SYNPO2: variants seen among roughly 807,000 people sequenced by gnomAD.
SYNPO2 encodes synaptopodin-2.
SYNPO2 carries 56 observed loss-of-function variants against 85.0 expected under a neutral mutation model. That is an observed-to-expected ratio of 0.66 (90% CI 0.53 to 0.82). SYNPO2 has a LOEUF of 0.82. Among genes scored for constraint, SYNPO2 ranks in the 40% least tolerant of loss-of-function variants. SYNPO2 has a pLI of 0.00. For missense variants in SYNPO2, 1,575 were observed against 1,534.2 expected (o/e 1.03, Z -0.44); for synonymous variants, 602 against 591.1 (o/e 1.02, Z -0.27).
chr4:119,005,182 C>G (rs1456646513), intron 1 of SYNPO2, among the ~76,000 whole-genome samples: 4 of 152,094 alleles, frequency 2.6e-5, no homozygotes, highest in African/African-American at 4.8e-5. Flanking sequence ...TAGGTTGCCT[C>G]TTCACTCTGT....
At chr4:119,050,660 T>C (rs1359910107) in intron 4 of SYNPO2, among the ~76,000 whole-genome samples, 2 of 152,216 alleles carry the variant, frequency 1.3e-5, no homozygotes, top group East Asian at 3.8e-4. Context: ...AAATGCCTCC[T>C]TAGTGTTAAG....
intron 1 of SYNPO2, among the ~76,000 whole-genome samples, chr4:118,996,514 C>T (rs959817218): frequency 1.3e-5 from 2 of 152,132 alleles, no homozygotes; most frequent in African/African-American, 4.8e-5. Flanking sequence ...AATACCTTCT[C>T]TCAAGGAGAG....
chr4:118,923,749 A>G (rs1733617451), intron 1 of SYNPO2, among the ~76,000 whole-genome samples: 1 of 152,092 alleles, frequency 6.6e-6, no homozygotes, highest in East Asian at 1.9e-4. Context: ...ATACAGATCT[A>G]CTTAGGAGAG....
intron 1 of SYNPO2, among the ~76,000 whole-genome samples, chr4:118,978,574 G>A (rs1735880043): frequency 6.6e-6 from 1 of 152,102 alleles, no homozygotes; most frequent in Non-Finnish European, 1.5e-5. Context: ...CTATATATAT[G>A]TGTATTCCAA....
chr4:118,914,250 C>G (rs1314299639), intron 1 of SYNPO2, among the ~76,000 whole-genome samples: 1 of 151,956 alleles, frequency 6.6e-6, no homozygotes. Context: ...ATAGAGCATA[C>G]AGAAGGAGAT....
At chr4:118,875,904 A>G (rs527748144) in intron 1 of SYNPO2, among the ~76,000 whole-genome samples, 25 of 152,362 alleles carry the variant, frequency 1.6e-4, no homozygotes, top group African/African-American at 5.1e-4. Flanking sequence ...CATGAATGCA[A>G]TTAAACCACA....
At position 118,900,683 on chromosome 4, in the gene SYNPO2, CTCTCTCTCTCTCTCTCTCTCTATATA is replaced by C. The variant is rs1306280417; in HGVS notation, c.105+11544_105+11569del. ...TCTCTTTCTCTCTCTCTCTCTCTCTCTCTCTCTCTCTCTCTCTCTCTATATATATATATATATATATATATATATGT... is the reference window on the plus strand; with the variant it reads ...TCTCTTTCTCTCTCTCTCTCTCTCTCTATATATATATATATATATATATGT... On this transcript the variant is annotated intron_variant, in intron 1 of 4. Coordinates refer to ENST00000307142, the MANE Select transcript of SYNPO2 (RefSeq NM_133477.3). 2.0e-3 allele frequency among the ~76,000 whole-genome samples: 85 copies of C among 41,770 alleles called. 1 individual carries two copies. The highest frequency in any genetic ancestry group is 5.5e-3 in the African/African-American group (81 of 14,662). The allele number at this position is 41,770 out of a possible 152,430, so 27.4% of individuals were successfully genotyped here.
In SYNPO2 at chr4:119,032,062, G is replaced by T. The variant is rs201754583; in HGVS notation, c.3252+35G>T. 20 of 1,608,126 alleles carry T rather than the reference G, an allele frequency of 1.2e-5. No homozygotes were observed. In the African/African-American group the frequency reaches 2.7e-4, roughly 21 times the overall value. ...CCATCTGTTGTGGAAGAGTAATCTT[G>T]TAGCTGAAGCTGAGTGTCCACTTTG... On this transcript the variant is annotated intron_variant, in intron 4 of 4. Transcript: ENST00000307142.
rs1739384579 is a variant in SYNPO2, at chr4:119,060,700, G to C, written c.*2766G>C. ...AATCACATAGGTAGAAAGAGTTTGA[G>C]TTTTACTGTGGATTAAAAAGCCTTC... On this transcript the variant is annotated 3_prime_UTR_variant, in exon 5 of 5. Transcript: ENST00000307142. The C allele has an allele frequency of 6.6e-6, 1 of 152,184 alleles. No individual in the cohort carries two copies. Among genetic ancestry groups the C allele is most frequent in the Admixed American group, 6.5e-5 (1 of 15,280 alleles). 9.4% of individuals were successfully genotyped at this position (152,184 alleles called of 1,614,324 possible).
intron 1 of SYNPO2, among the ~76,000 whole-genome samples, chr4:118,856,792 G>C (rs907664694): frequency 2.6e-5 from 4 of 152,068 alleles, no homozygotes; most frequent in African/African-American, 9.7e-5. Flanking sequence ...GATTACAGGC[G>C]TGAGCCACAC....
intron 4 of SYNPO2, among the ~76,000 whole-genome samples, chr4:119,048,711 G>T (rs891581824): frequency 6.6e-6 from 1 of 152,184 alleles, no homozygotes; most frequent in Non-Finnish European, 1.5e-5. Flanking sequence ...CAAAAATCCT[G>T]AGGCATGAGT....
At chr4:118,953,361 G>T (rs1016521105) in intron 1 of SYNPO2, among the ~76,000 whole-genome samples, 1 of 152,108 alleles carries the variant, frequency 6.6e-6, no homozygotes, top group African/African-American at 2.4e-5. Flanking sequence ...TAAATTCTTT[G>T]TTGAAGTTTG....
chr4:118,892,172 T>A (rs79287269), intron 1 of SYNPO2, among the ~76,000 whole-genome samples: 2,406 of 152,282 alleles, frequency 0.016, 77 homozygotes, highest in African/African-American at 0.054. Context: ...ACCCCAAATT[T>A]TAAAGATAAA....
chr4:118,873,164 G>A (rs1394081317), intron 1 of SYNPO2, among the ~76,000 whole-genome samples: 2 of 152,294 alleles, frequency 1.3e-5, no homozygotes, highest in East Asian at 3.9e-4. Context: ...AAACACACAG[G>A]TGCAGGTATC....
At chr4:118,979,147 A>T (rs1038948971) in intron 1 of SYNPO2, among the ~76,000 whole-genome samples, 1 of 152,162 alleles carries the variant, frequency 6.6e-6, no homozygotes, top group Non-Finnish European at 1.5e-5. Flanking sequence ...AGCACAAAAC[A>T]AAAACACCCC....
chr4:118,908,042 G>A (rs1387543771), intron 1 of SYNPO2, among the ~76,000 whole-genome samples: 1 of 152,102 alleles, frequency 6.6e-6, no homozygotes, highest in Non-Finnish European at 1.5e-5. Context: ...TATTGAACAT[G>A]TAGGTTATTT....
rs142919235 is a variant in SYNPO2, at chr4:119,023,564, C to G, written c.240C>G (p.Leu80=). 2 of 1,612,658 alleles carry G rather than the reference C, an allele frequency of 1.2e-6. No homozygotes were observed. Among genetic ancestry groups the G allele is most frequent in the African/African-American group, 1.3e-5 (1 of 74,988 alleles). The part of the protein sequence containing the change: ...IKLMESITDS[L]QMLIKRPSSG... ...TCATGGAAAGCATAACAGACTCTCT[C>G]CAAATGCTCATCAAAAGGTACAACA... The change falls in exon 2 of 5, where the codon CTC becomes CTG. Residue 80 remains leucine (L), a synonymous_variant. Coordinates refer to ENST00000307142, the MANE Select transcript of SYNPO2 (RefSeq NM_133477.3).
intron 1 of SYNPO2, among the ~76,000 whole-genome samples, chr4:118,946,184 C>G (rs373681251): frequency 2.0e-5 from 3 of 152,064 alleles, no homozygotes; most frequent in Non-Finnish European, 2.9e-5. Context: ...AAAGGGAGGA[C>G]GACTTATATC....
intron 1 of SYNPO2, among the ~76,000 whole-genome samples, chr4:118,997,033 G>A (rs1220937023): frequency 2.6e-5 from 4 of 151,756 alleles, no homozygotes; most frequent in African/African-American, 7.2e-5. Context: ...GAGGTCAGGA[G>A]ATCGAGACCA....
Sources: allele counts gnomAD v4.1 joint callset (sites outside exome capture counted in the v4.1 genomes callset), GRCh38; gene constraint gnomAD v4.1.1; transcripts MANE v1.5; gene names NCBI Gene and HGNC (gene_info 2026-07-23, HGNC 2026-07-21).